Variants in PDZK1IP1 observed in about 807,000 individuals in gnomAD.
PDZK1IP1 encodes the protein PDZK1 interacting protein 1.
In PDZK1IP1, 9 loss-of-function variants were observed where a neutral mutation model predicts 14.7. That is an observed-to-expected ratio of 0.61 (90% confidence interval 0.37 to 1.07). PDZK1IP1 has a LOEUF of 1.07. Ranked by LOEUF, PDZK1IP1 falls within the 50% of genes least tolerant of loss-of-function variation. The pLI, the probability that PDZK1IP1 is intolerant of heterozygous loss-of-function variation, is 0.01. For synonymous variants in PDZK1IP1, 70 were observed against 61.2 expected, an observed-to-expected ratio of 1.14 and a Z score of -0.67; for missense variants, 152 against 148.7, an observed-to-expected ratio of 1.02 and a Z score of -0.11.
chr1:47,184,871 C>T lies in PDZK1IP1; in HGVS notation c.272+131G>A, dbSNP rs558868060. 71 of 707,614 alleles carry T rather than the reference C, an allele frequency of 1.0e-4. No homozygotes were observed. In the East Asian group the frequency reaches 1.9e-3, roughly 19 times the overall value. 43.8% of individuals were successfully genotyped at this position (707,614 alleles called of 1,614,324 possible). ...AGAGCCCTGCAATCCTCACAAAGCC[C>T]CCATTGCCTCACTAGCTTTTGCCCA... On this transcript the variant is annotated intron_variant, in intron 3 of 3. Transcript: ENST00000294338.
Position 47,189,531 on chromosome 1 carries a change from G to T in PDZK1IP1, c.67+335C>A, listed in dbSNP as rs560474048. On this transcript the variant is annotated intron_variant, in intron 1 of 3. Transcript: ENST00000294338. ...CGAGACAAAGCCCAAGTCTTTGAGGGGTGGCTTGGGCCCCACTCTCACCCT... is the reference window on the plus strand; with the variant it reads ...CGAGACAAAGCCCAAGTCTTTGAGGTGTGGCTTGGGCCCCACTCTCACCCT... 2.0e-5 allele frequency among the ~76,000 whole-genome samples: 3 copies of T among 152,266 alleles called. No individual in the cohort carries two copies. The East Asian group carries it at 5.8e-4, about 29-fold the overall frequency.
intron 2 of PDZK1IP1, among the ~76,000 whole-genome samples, chr1:47,186,623 A>C (rs1469287893): frequency 6.6e-6 from 1 of 152,180 alleles, no homozygotes; most frequent in Non-Finnish European, 1.5e-5. Flanking sequence ...ATTTCAGCCC[A>C]CCTGCCCTTC....
In PDZK1IP1 at chr1:47,183,724, G is replaced by C. The variant is rs1011588817; in HGVS notation, c.*247C>G. On this transcript the variant is annotated 3_prime_UTR_variant, in exon 4 of 4. Coordinates refer to ENST00000294338, the MANE Select transcript of PDZK1IP1 (RefSeq NM_005764.4). ...CAGGATGGGAGGTGCTCAGCTGACT[G>C]TCCTCTCCAGAAGGCTCTTCTGAGC... The C allele has an allele frequency of 2.3e-5, 13 of 561,276 alleles. No homozygotes were observed. Among genetic ancestry groups the C allele is most frequent in the Non-Finnish European group, 4.1e-5 (13 of 315,226 alleles). The allele number at this position is 561,276 out of a possible 1,614,324, so 34.8% of individuals were successfully genotyped here.
chr1:47,185,308 A>G (rs2148572597), intron 2 of PDZK1IP1: 1 of 554,838 alleles, frequency 1.8e-6, no homozygotes, highest in Non-Finnish European at 3.2e-6. Flanking sequence ...AAATATTTGC[A>G]AAAGATTTAT....
chr1:47,184,924 TC>T, intron 3 of PDZK1IP1, 77 bp downstream of exon 3: 13 of 1,184,170 alleles, frequency 1.1e-5, no homozygotes, highest in Non-Finnish European at 1.0e-5. Flanking sequence ...CCCAGCCACC[TC>T]CCCCCAGCAG....
At chr1:47,184,238 A>G (rs927943975) in intron 3 of PDZK1IP1, among the ~76,000 whole-genome samples, 195 bp from the exon 4 acceptor site, 47 of 150,214 alleles carry the variant, frequency 3.1e-4, no homozygotes, top group Admixed American at 2.8e-3. Flanking sequence ...CCTGACACCT[A>G]TCTCCCTCCT....
intron 2 of PDZK1IP1, among the ~76,000 whole-genome samples, chr1:47,186,929 C>T (rs2148573086): frequency 6.6e-6 from 1 of 152,360 alleles, no homozygotes; most frequent in South Asian, 2.1e-4. Context: ...CCCATGCCCT[C>T]TCTGTACCAC....
chr1:47,183,870 A>C lies in PDZK1IP1; in HGVS notation c.*101T>G. Reference sequence around the variant, plus strand: ...GCATGGGGCTGGAGGGAGTCAGCCCACTATTGCAGATTCCACACAAAGAAG... The same window carrying C: ...GCATGGGGCTGGAGGGAGTCAGCCCCCTATTGCAGATTCCACACAAAGAAG... On this transcript the variant is annotated 3_prime_UTR_variant, in exon 4 of 4. Transcript: ENST00000294338. 1.0e-6 allele frequency: 1 copy of C among 997,088 alleles called. No homozygotes were observed. 61.8% of individuals were successfully genotyped at this position (997,088 alleles called of 1,614,324 possible).
chr1:47,189,128 A>G (rs1244439255), intron 1 of PDZK1IP1, among the ~76,000 whole-genome samples: 1 of 148,554 alleles, frequency 6.7e-6, no homozygotes, highest in African/African-American at 2.5e-5. Context: ...GTTGAAGCAG[A>G]CACACATAAG....
intron 3 of PDZK1IP1, among the ~76,000 whole-genome samples, chr1:47,184,259 G>A (rs914763171): frequency 6.0e-5 from 9 of 150,302 alleles, no homozygotes; most frequent in Non-Finnish European, 1.2e-4. Context: ...CCTGTGGACT[G>A]CTGCACCACT....
chr1:47,187,546 A>T (rs953244327), intron 1 of PDZK1IP1, 119 bp from the exon 2 acceptor site: 64 of 738,274 alleles, frequency 8.7e-5, no homozygotes, highest in East Asian at 3.2e-4. Flanking sequence ...GCCAGCTGCC[A>T]GGAGCAAGGA....
rs752913765 is a variant in PDZK1IP1 at position 47,187,255 on chromosome 1, C to T, written c.176+64G>A. ...GTTTCTGAGGCCCTTCTCACTGCTACTAGAGCAAGAGCAGTGGTCCTGGGC... is the reference window on the plus strand; with the variant it reads ...GTTTCTGAGGCCCTTCTCACTGCTATTAGAGCAAGAGCAGTGGTCCTGGGC... On this transcript the variant is annotated intron_variant, in intron 2 of 3. Transcript: ENST00000294338. The T allele has an allele frequency of 1.4e-5, 16 of 1,138,390 alleles. No individual in the cohort carries two copies. The South Asian group carries it at 1.8e-4, about 13-fold the overall frequency. The allele number at this position is 1,138,390 out of a possible 1,614,324, so 70.5% of individuals were successfully genotyped here.
rs753785604 is a variant in PDZK1IP1 at position 47,184,022 on chromosome 1, G to A, written c.294C>T (p.Ala98=). 4 of 1,595,110 alleles carry A rather than the reference G, an allele frequency of 2.5e-6. No homozygotes were observed. The highest frequency in any genetic ancestry group is 3.4e-6 in the Non-Finnish European group (4 of 1,169,656). Residue 98 remains alanine, a synonymous_variant, in exon 4 of 4, where the codon GCC becomes GCT. Coordinates refer to ENST00000294338, the MANE Select transcript of PDZK1IP1 (RefSeq NM_005764.4). ...ASFRSSEHEN[A]YENVPEEEGK... ...CTTCCTCCTCGGGCACATTCTCATA[G>A]GCATTCTCATGCTCACTGGACCTGA...
At position 47,183,808 on chromosome 1, in the gene PDZK1IP1, A is replaced by G. The variant is rs906699665; in HGVS notation, c.*163T>C. The G allele has an allele frequency of 6.1e-6, 4 of 658,100 alleles. No individual in the cohort carries two copies. Among genetic ancestry groups the G allele is most frequent in the Non-Finnish European group, 2.7e-6 (1 of 369,814 alleles). The allele number at this position is 658,100 out of a possible 1,614,324, so 40.8% of individuals were successfully genotyped here. On this transcript the variant is annotated 3_prime_UTR_variant, in exon 4 of 4. Transcript: ENST00000294338. ...CAACCTAGACACGGTCTGAGCTCCA[A>G]CCTTGGCTGGCTATACTTCAAGGGC...
At chr1:47,185,294 G>A in intron 2 of PDZK1IP1, 197 bp from the exon 3 acceptor site, 1 of 576,510 alleles carries the variant, frequency 1.7e-6, no homozygotes, top group East Asian at 3.0e-5. Flanking sequence ...CATAGTGGGG[G>A]GCCAAATATT....
chr1:47,188,551 C>T (rs1459001528), intron 1 of PDZK1IP1, among the ~76,000 whole-genome samples: 2 of 152,196 alleles, frequency 1.3e-5, no homozygotes, highest in African/African-American at 2.4e-5. Flanking sequence ...ACCTGCATCC[C>T]TATATTTTGA....
chr1:47,187,296 AG>A (rs773443753), intron 2 of PDZK1IP1, 22 bp downstream of exon 2: 5 of 1,571,022 alleles, frequency 3.2e-6, no homozygotes, highest in African/African-American at 2.7e-5. Flanking sequence ...CTGCCTGCTC[AG>A]GGACCCTTGG....
At chr1:47,189,815 C>A in intron 1 of PDZK1IP1, 51 bp downstream of exon 1, 1 of 1,425,928 alleles carries the variant, frequency 7.0e-7, no homozygotes, top group Admixed American at 2.2e-5. Flanking sequence ...GCCAGAACAC[C>A]ACCTGTCCAC....
chr1:47,187,008 G>A (rs568682718), intron 2 of PDZK1IP1, among the ~76,000 whole-genome samples: 1 of 152,162 alleles, frequency 6.6e-6, no homozygotes, highest in Admixed American at 6.5e-5. Flanking sequence ...AGGCTGGGCC[G>A]CTATCCTGGC....
Sources: allele counts gnomAD v4.1 joint callset (sites outside exome capture counted in the v4.1 genomes callset), GRCh38; gene constraint gnomAD v4.1.1; transcripts MANE v1.5; gene names NCBI Gene and HGNC (gene_info 2026-07-23, HGNC 2026-07-21).